STPG1: variants seen among roughly 807,000 people sequenced by gnomAD.
The protein encoded by STPG1 is O(6)-methylguanine-induced apoptosis 2.
STPG1 carries 33 observed loss-of-function variants against 40.1 expected under a neutral mutation model. The observed-to-expected ratio is 0.82, with a 90% CI of 0.62 to 1.10. The LOEUF is 1.10. Ranked by LOEUF, STPG1 falls within the 50% of genes least tolerant of loss-of-function variation. The pLI is 0.00. For synonymous variants in STPG1, 150 were observed against 155.0 expected, an observed-to-expected ratio of 0.97 and a Z score of 0.24; for missense variants, 396 against 415.1, an observed-to-expected ratio of 0.95 and a Z score of 0.40.
rs896629630 is a variant in STPG1, at chr1:24,399,109, A to G, written c.70+2210T>C. 1.3e-5 allele frequency among the ~76,000 whole-genome samples: 2 copies of G among 152,172 alleles called. No individual in the cohort carries two copies. The highest frequency in any genetic ancestry group is 4.8e-5 in the African/African-American group (2 of 41,450). On this transcript the variant is annotated intron_variant, in intron 2 of 8. Transcript: ENST00000337248. This position sits in a 1 kb window ranked among gnomAD's most constrained non-coding sequence, Gnocchi z 4.0. ...TAAAAATTAAAAATAAAAAAGTAAAATAAATTTATATGGAAATGCACTGGG... is the reference window on the plus strand; with the variant it reads ...TAAAAATTAAAAATAAAAAAGTAAAGTAAATTTATATGGAAATGCACTGGG...
At chr1:24,373,547 C>T (rs1449936920) in intron 6 of STPG1, among the ~76,000 whole-genome samples, 155 bp downstream of exon 6, 1 of 152,168 alleles carries the variant, frequency 6.6e-6, no homozygotes, top group Non-Finnish European at 1.5e-5. Context: ...TGGCTGTCTT[C>T]TCACCTCTCC....
At chr1:24,413,432 C>T (rs1242596518) in intron 1 of STPG1, among the ~76,000 whole-genome samples, 1 of 152,252 alleles carries the variant, frequency 6.6e-6, no homozygotes, top group Non-Finnish European at 1.5e-5. Flanking sequence ...CTCGGTGGAG[C>T]AGGCAAGCCC....
At chr1:24,365,876 T>G (rs1021838570) in intron 7 of STPG1, among the ~76,000 whole-genome samples, 2 of 152,102 alleles carry the variant, frequency 1.3e-5, no homozygotes, top group Non-Finnish European at 2.9e-5. Flanking sequence ...GTACTGACTT[T>G]GGGGCCTACG....
At chr1:24,389,876 G>A (rs1642687110) in intron 3 of STPG1, among the ~76,000 whole-genome samples, 3 of 152,232 alleles carry the variant, frequency 2.0e-5, no homozygotes, top group Admixed American at 6.5e-5. Context: ...TTAAAACTGT[G>A]TGTGTGTGTT....
At position 24,357,045 on chromosome 1, in the gene STPG1, G is replaced by GC. The variant is rs1277466920; in HGVS notation, c.*1497_*1498insG. Reference sequence around the variant, plus strand: ...TTTAATGCAATATTTTTAAAATTAAGGCCCCCCCCCCCAAAAAAAAAATCC... The same window carrying GC: ...TTTAATGCAATATTTTTAAAATTAAGCGCCCCCCCCCCCAAAAAAAAAATCC... On this transcript the variant is annotated 3_prime_UTR_variant, in exon 9 of 9. Coordinates refer to ENST00000337248, the MANE Select transcript of STPG1 (RefSeq NM_001199013.2). 1.6e-4 allele frequency: 15 copies of GC among 96,096 alleles called. No homozygotes were observed. The highest frequency in any genetic ancestry group is 3.0e-4 in the South Asian group (1 of 3,386). 6.0% of individuals were successfully genotyped at this position (96,096 alleles called of 1,614,324 possible).
chr1:24,376,731 G>A (rs572037246), intron 5 of STPG1, among the ~76,000 whole-genome samples: 7 of 152,328 alleles, frequency 4.6e-5, no homozygotes, highest in African/African-American at 1.7e-4. Context: ...GGAGGCTGCA[G>A]AGAGGGGCAT....
In STPG1 at chr1:24,382,917, C is replaced by CTTTTTTTTTTTTTT. The variant is rs56972835; in HGVS notation, c.291+984_291+985insAAAAAAAAAAAAAA. Among the ~76,000 whole-genome samples, 7 of 133,512 alleles carry CTTTTTTTTTTTTTT rather than the reference C, an allele frequency of 5.2e-5. 3 individuals carry two copies. The highest frequency in any genetic ancestry group is 6.3e-5 in the Non-Finnish European group (4 of 63,716). 87.6% of individuals were successfully genotyped at this position (133,512 alleles called of 152,430 possible). A position where few individuals can be genotyped will look rare whatever the true frequency, so the allele number is the denominator to read the frequency against. On this transcript the variant is annotated intron_variant, in intron 4 of 8. Coordinates refer to ENST00000337248, the MANE Select transcript of STPG1 (RefSeq NM_001199013.2). The stretch of plus-strand genomic sequence containing the variant: ...AGAGTCTGGGCTTGCTTTCTTTTCA[C>CTTTTTTTTTTTTTT]TTTTTTTTTTTTTGGACAGAGTCTG...
At chr1:24,384,639 G>A (rs201439893) in intron 3 of STPG1, among the ~76,000 whole-genome samples, 2 of 152,118 alleles carry the variant, frequency 1.3e-5, no homozygotes, top group East Asian at 3.8e-4. Context: ...GGAGCTCATC[G>A]GGCTTTCATT....
chr1:24,378,660 A>G (rs1412745120), intron 5 of STPG1, among the ~76,000 whole-genome samples: 1 of 152,234 alleles, frequency 6.6e-6, no homozygotes, highest in Non-Finnish European at 1.5e-5. Flanking sequence ...GAAGGTGGGC[A>G]GGATTTTTGT....
intron 1 of STPG1, among the ~76,000 whole-genome samples, chr1:24,406,514 C>T (rs1016110925): frequency 1.3e-5 from 2 of 152,098 alleles, no homozygotes; most frequent in Non-Finnish European, 2.9e-5. Flanking sequence ...GTCCTTCTAT[C>T]TACAGAAATT....
chr1:24,394,697 ACTAG>A (rs1642917619), intron 2 of STPG1, among the ~76,000 whole-genome samples: 1 of 152,206 alleles, frequency 6.6e-6, no homozygotes, highest in Non-Finnish European at 1.5e-5. Context: ...TTAAAAATAC[ACTAG>A]ATGAGATGAA....
chr1:24,398,617 A>G (rs2148710365), intron 2 of STPG1, among the ~76,000 whole-genome samples: 1 of 152,252 alleles, frequency 6.6e-6, no homozygotes, highest in South Asian at 2.1e-4. Context: ...ATCTGTGGAC[A>G]CCCTATAAGA....
At chr1:24,380,346 T>C (rs1372009972) in intron 4 of STPG1, among the ~76,000 whole-genome samples, 2 of 152,110 alleles carry the variant, frequency 1.3e-5, no homozygotes, top group African/African-American at 4.8e-5. Context: ...TCCTACAGTA[T>C]TTTCACGGTT....
At chr1:24,392,344 G>C (rs1232693730) in intron 2 of STPG1, among the ~76,000 whole-genome samples, 1 of 152,224 alleles carries the variant, frequency 6.6e-6, no homozygotes, top group African/African-American at 2.4e-5. Flanking sequence ...GGCAGCATCT[G>C]TCTGCATAGC....
intron 7 of STPG1, among the ~76,000 whole-genome samples, chr1:24,361,866 C>T (rs1029955898): frequency 6.6e-6 from 1 of 152,154 alleles, no homozygotes; most frequent in African/African-American, 2.4e-5. Flanking sequence ...AGGGGTTGGA[C>T]AAGATGACCT....
At chr1:24,388,326 C>T (rs1433048618) in intron 3 of STPG1, among the ~76,000 whole-genome samples, 1 of 152,188 alleles carries the variant, frequency 6.6e-6, no homozygotes, top group East Asian at 1.9e-4. Context: ...GGCTGCTGGG[C>T]CATGCTCTGC....
At chr1:24,382,917 C>CATTTTTTT (rs1642351189) in intron 4 of STPG1, among the ~76,000 whole-genome samples, 1 of 133,512 alleles carries the variant, frequency 7.5e-6, no homozygotes, top group African/African-American at 2.9e-5. Flanking sequence ...TTTCTTTTCA[C>CATTTTTTT]TTTTTTTTTT....
At chr1:24,389,835 G>C (rs999666987) in intron 3 of STPG1, among the ~76,000 whole-genome samples, 1 of 152,168 alleles carries the variant, frequency 6.6e-6, no homozygotes, top group East Asian at 1.9e-4. Flanking sequence ...GAGCAAATAT[G>C]TATTATCTTT....
In STPG1 at chr1:24,405,557, C is replaced by A. The variant is rs144257079; in HGVS notation, c.-68-4101G>T. Reference sequence around the variant, plus strand: ...AGGTAGCATTGGTTGATAGTCTGTTCAAGTCTTTTACATCCTTACTGATTT... The same window carrying A: ...AGGTAGCATTGGTTGATAGTCTGTTAAAGTCTTTTACATCCTTACTGATTT... On this transcript the variant is annotated intron_variant, in intron 1 of 8. Transcript: ENST00000337248. 1.0e-3 allele frequency among the ~76,000 whole-genome samples: 154 copies of A among 152,174 alleles called. No homozygotes were observed. In the East Asian group the frequency reaches 0.016, roughly 16 times the overall value.
Sources: gnomAD v4.1 joint callset for allele counts (sites outside exome capture counted in the v4.1 genomes callset) on GRCh38, gnomAD v4.1.1 for gene constraint, Gnocchi (gnomAD v3.1) non-coding constraint, MANE v1.5 for transcripts, NCBI Gene and HGNC (gene_info 2026-07-23, HGNC 2026-07-21) for gene names.